Variants in PRDM16 observed in about 807,000 individuals in gnomAD.
PRDM16 encodes PR/SET domain 16.
PRDM16 carries 23 observed loss-of-function variants against 110.6 expected under a neutral mutation model. The ratio of observed to expected loss-of-function variants is 0.21; its 90% CI spans 0.15 to 0.29. The LOEUF (loss-of-function observed/expected upper bound fraction) is 0.29. Ranked by LOEUF, PRDM16 falls within the 10% of genes least tolerant of loss-of-function variation. The pLI is 1.00. For missense variants in PRDM16, 1,615 were observed against 1,794.3 expected (o/e 0.90, Z 1.81); for synonymous variants, 799 against 781.8 (o/e 1.02, Z -0.37).
At chr1:3,395,075 A>G (rs1051498465) in intron 4 of PRDM16, among the ~76,000 whole-genome samples, 14 of 152,188 alleles carry the variant, frequency 9.2e-5, no homozygotes, top group Admixed American at 8.5e-4. Context: ...AGTAGCAGAC[A>G]CTGGGCATTA....
chr1:3,385,132 C>T lies in PRDM16; in HGVS notation c.439-20C>T, dbSNP rs1446180348. On this transcript the variant is annotated intron_variant, in intron 3 of 16. Transcript: ENST00000270722. The stretch of plus-strand genomic sequence containing the variant: ...GCACACAGGGCACCTCTGACTCCCG[C>T]TTCGCTTTCCTCCCAGCAGATCTCC... 6.2e-7 allele frequency: 1 copy of T among 1,613,128 alleles called. No individual in the cohort carries two copies.
chr1:3,156,955 C>T (rs186475502), intron 1 of PRDM16, among the ~76,000 whole-genome samples: 5 of 152,292 alleles, frequency 3.3e-5, no homozygotes, highest in Admixed American at 2.6e-4. Flanking sequence ...CGTGTCAGGA[C>T]GGAGGGTGCT....
chr1:3,227,039 T>C (rs1026924535), intron 2 of PRDM16, among the ~76,000 whole-genome samples: 4 of 152,384 alleles, frequency 2.6e-5, no homozygotes, highest in Admixed American at 2.0e-4. Flanking sequence ...CGTTTAATAA[T>C]AGGCTAATAA....
chr1:3,138,569 G>A (rs1375668427), intron 1 of PRDM16, among the ~76,000 whole-genome samples: 1 of 152,248 alleles, frequency 6.6e-6, no homozygotes, highest in Non-Finnish European at 1.5e-5. Context: ...CTGGTACTTG[G>A]AGGTGTTTGG....
In PRDM16 at chr1:3,209,644, TG is replaced by T. The variant is rs1638836558; in HGVS notation, c.387+23172del. On this transcript the variant is annotated intron_variant, in intron 2 of 16. Coordinates refer to ENST00000270722, the MANE Select transcript of PRDM16 (RefSeq NM_022114.4). This position sits in a 1 kb window ranked among gnomAD's most constrained non-coding sequence, Gnocchi z 4.6. ...TTCGGGATCCTTTGTCGAGACCAAT[TG>T]GCCACAAATGCCACCTCCTGCTTCT... Among the ~76,000 whole-genome samples, 1 of 152,192 alleles carries T rather than the reference TG, an allele frequency of 6.6e-6. No homozygotes were observed.
intron 1 of PRDM16, among the ~76,000 whole-genome samples, chr1:3,116,080 A>C (rs1324547692): frequency 6.6e-6 from 1 of 152,158 alleles, no homozygotes; most frequent in Non-Finnish European, 1.5e-5. Flanking sequence ...AGCCCCTCAC[A>C]CGGCAGGCGT....
intron 3 of PRDM16, among the ~76,000 whole-genome samples, chr1:3,360,395 G>A (rs903934964): frequency 5.3e-5 from 8 of 152,214 alleles, no homozygotes; most frequent in Admixed American, 4.6e-4. Context: ...CAGAAACAGA[G>A]GCTAAGAACT....
chr1:3,388,680 T>C (rs888587288), intron 4 of PRDM16, among the ~76,000 whole-genome samples: 1 of 152,174 alleles, frequency 6.6e-6, no homozygotes, highest in Admixed American at 6.5e-5. Context: ...AGGCTGGGGC[T>C]TTCCCCGAGT....
chr1:3,080,906 C>T lies in PRDM16; in HGVS notation c.37+11610C>T, dbSNP rs141963636. Among the ~76,000 whole-genome samples, 1 of 152,136 alleles carries T rather than the reference C, an allele frequency of 6.6e-6. No individual in the cohort carries two copies. Among genetic ancestry groups the T allele is most frequent in the African/African-American group, 2.4e-5 (1 of 41,426 alleles). On this transcript the variant is annotated intron_variant, in intron 1 of 16. Transcript: ENST00000270722. This position sits in a 1 kb window ranked among gnomAD's most constrained non-coding sequence, Gnocchi z 5.2. ...ACCCCGGCCCGAGCACCCAACGCTT[C>T]CCGGAGAGCTTGTGTGCCTGAGAGT...
chr1:3,316,152 G>C (rs1641595815), intron 3 of PRDM16, among the ~76,000 whole-genome samples: 1 of 151,762 alleles, frequency 6.6e-6, no homozygotes, highest in Non-Finnish European at 1.5e-5. Flanking sequence ...GGCGGGTGGG[G>C]GCGGGAGGGA....
intron 5 of PRDM16, among the ~76,000 whole-genome samples, chr1:3,397,707 G>T (rs1392128275): frequency 6.6e-6 from 1 of 152,210 alleles, no homozygotes; most frequent in Admixed American, 6.5e-5. Context: ...TTTCCTCCTC[G>T]CTTCTTGGAC....
At chr1:3,327,510 A>G (rs772454617) in intron 3 of PRDM16, among the ~76,000 whole-genome samples, 3 of 149,670 alleles carry the variant, frequency 2.0e-5, no homozygotes, top group African/African-American at 7.3e-5. Flanking sequence ...GGCCCCGGGC[A>G]GGGATTCTGT....
intron 1 of PRDM16, among the ~76,000 whole-genome samples, chr1:3,075,716 C>T (rs534017586): frequency 3.4e-4 from 52 of 152,388 alleles, no homozygotes; most frequent in Non-Finnish European, 5.0e-4. Flanking sequence ...GCGCTGATGG[C>T]GGTGCCGTTT....
At chr1:3,346,462 G>A (rs1354141065) in intron 3 of PRDM16, among the ~76,000 whole-genome samples, 2 of 152,154 alleles carry the variant, frequency 1.3e-5, no homozygotes, top group Non-Finnish European at 2.9e-5. Flanking sequence ...GCTGTCCCAC[G>A]GTTCCTGTTC....
In PRDM16 at chr1:3,346,545, C is replaced by G. The variant is rs867559263; in HGVS notation, c.439-38607C>G. 1.3e-5 allele frequency among the ~76,000 whole-genome samples: 2 copies of G among 152,208 alleles called. 1 individual carries two copies. The highest frequency in any genetic ancestry group is 4.8e-5 in the African/African-American group (2 of 41,442). Reference sequence around the variant, plus strand: ...CGCCTCTCTGCTCACCCTGCTGTCTCCTTTCTCTCCCCTCCACCGTCCCCA... The same window carrying G: ...CGCCTCTCTGCTCACCCTGCTGTCTGCTTTCTCTCCCCTCCACCGTCCCCA... On this transcript the variant is annotated intron_variant, in intron 3 of 16. Coordinates refer to ENST00000270722, the MANE Select transcript of PRDM16 (RefSeq NM_022114.4).
At chr1:3,409,639 C>A (rs1048916096) in intron 8 of PRDM16, among the ~76,000 whole-genome samples, 3 of 151,614 alleles carry the variant, frequency 2.0e-5, no homozygotes, top group Non-Finnish European at 4.4e-5. Context: ...GAGAGACACT[C>A]GCCGGGATGT....
chr1:3,190,764 A>G lies in PRDM16; in HGVS notation c.387+4290A>G, dbSNP rs957932723. Among the ~76,000 whole-genome samples, 7 of 152,324 alleles carry G rather than the reference A, an allele frequency of 4.6e-5. No individual in the cohort carries two copies. In the East Asian group the frequency reaches 1.4e-3, roughly 29 times the overall value. On this transcript the variant is annotated intron_variant, in intron 2 of 16. Coordinates refer to ENST00000270722, the MANE Select transcript of PRDM16 (RefSeq NM_022114.4). This position sits in a 1 kb window ranked among gnomAD's most constrained non-coding sequence, Gnocchi z 5.0. ...CCTGGAGGAAATCACCCGTGAGCGC[A>G]TTTGCTCGCCGTGGGGTCTGCAAAA...
At chr1:3,398,883 G>T (rs910812968) in intron 5 of PRDM16, among the ~76,000 whole-genome samples, 1 of 152,224 alleles carries the variant, frequency 6.6e-6, no homozygotes, top group African/African-American at 2.4e-5. Flanking sequence ...CTTGGCTGGA[G>T]ACCACGTTCA....
At chr1:3,343,020 G>A (rs1424909600) in intron 3 of PRDM16, among the ~76,000 whole-genome samples, 1 of 151,992 alleles carries the variant, frequency 6.6e-6, no homozygotes, top group African/African-American at 2.4e-5. Context: ...AATTGTCCAG[G>A]AGTAAAATTG....
Sources: gnomAD v4.1 joint callset for allele counts (sites outside exome capture counted in the v4.1 genomes callset) on GRCh38, gnomAD v4.1.1 for gene constraint, Gnocchi (gnomAD v3.1) non-coding constraint, MANE v1.5 for transcripts, NCBI Gene and HGNC (gene_info 2026-07-23, HGNC 2026-07-21) for gene names.